The following SGK1 variants were observed in gnomAD, a reference collection of about 807,000 sequenced individuals.
The protein encoded by SGK1 is serum/glucocorticoid regulated kinase 1.
Under a neutral mutation model 64.2 loss-of-function variants are expected in SGK1, and 26 were observed. The ratio of observed to expected loss-of-function variants is 0.40; its 90% CI spans 0.30 to 0.56. The LOEUF (loss-of-function observed/expected upper bound fraction) is 0.56, where lower values mean the gene tolerates loss of function less well. SGK1 is among the 20% of genes least tolerant of loss of function. The probability of loss-of-function intolerance (pLI) is 0.38; values close to 1 mark genes in which losing one functional copy is unlikely to be tolerated. For synonymous variants in SGK1, 265 were observed against 239.7 expected (o/e 1.11, Z -0.98); for missense variants, 519 against 645.6 (o/e 0.80, Z 2.12).
intron 3 of SGK1, among the ~76,000 whole-genome samples, chr6:134,197,930 G>T (rs1413009258): frequency 6.7e-6 from 1 of 148,838 alleles, no homozygotes; most frequent in East Asian, 2.0e-4. Context: ...AAATAAAATA[G>T]CAAAAATAGT....
intron 3 of SGK1, among the ~76,000 whole-genome samples, chr6:134,200,133 G>T (rs1030350973): frequency 6.6e-6 from 1 of 152,158 alleles, no homozygotes; most frequent in Non-Finnish European, 1.5e-5. Context: ...AACAACTCAG[G>T]TTTCAAAGGC....
At position 134,262,090 on chromosome 6, in the gene SGK1, A is replaced by G. The variant is rs1776775266; in HGVS notation, c.128T>C (p.Leu43Pro). Residue 43 changes from leucine (L) to proline (P), a missense_variant, in exon 2 of 14, where the codon CTG becomes CCG. This residue lies in a region of SGK1 where 241 missense variants were observed against 236.9 expected (regional missense o/e 1.02). Coordinates refer to ENST00000367858, the MANE Select transcript of SGK1 (RefSeq NM_001143676.3). ...VSVDKHQSPS[L>P]KYTGSSMVHI... ...CACCATGGAGGAGCCGGTGTACTTC[A>G]GGCTGGGACTCTGATGCTTGTCCAC... 6.2e-7 allele frequency: 1 copy of G among 1,612,684 alleles called. No individual in the cohort carries two copies. Among genetic ancestry groups the G allele is most frequent in the Non-Finnish European group, 8.5e-7 (1 of 1,178,778 alleles).
rs139175698 is a variant in SGK1, at chr6:134,186,941, C to T, written c.362-12355G>A. On this transcript the variant is annotated intron_variant, in intron 3 of 13. Coordinates refer to ENST00000367858, the MANE Select transcript of SGK1 (RefSeq NM_001143676.3). ...AAGCAATTCTCCTGCCTCAGCCTCC[C>T]GAGTAGCTGGGATTACAGGCACCCA... Among the ~76,000 whole-genome samples the T allele has an allele frequency of 6.2e-3, 948 of 151,988 alleles. 4 individuals are homozygous for T. Among genetic ancestry groups the T allele is most frequent in the Non-Finnish European group, 0.011 (755 of 67,974 alleles).
At chr6:134,218,675 A>G (rs952273092) in intron 2 of SGK1, 4 of 151,476 alleles carry the variant, frequency 2.6e-5, no homozygotes, top group Admixed American at 6.6e-5. Context: ...GAAATGATCC[A>G]CCCACCTTGG....
intron 1 of SGK1, among the ~76,000 whole-genome samples, chr6:134,296,395 C>T (rs1777347491): frequency 6.6e-6 from 1 of 152,148 alleles, no homozygotes; most frequent in Non-Finnish European, 1.5e-5. Context: ...CTTCAGCCTT[C>T]CAAGTAGTTA....
At chr6:134,171,322 C>G in intron 11 of SGK1, 144 bp from the exon 12 acceptor site, 1 of 799,836 alleles carries the variant, frequency 1.3e-6, no homozygotes, top group Non-Finnish European at 2.0e-6. Context: ...TTTTCCCTTG[C>G]TATTTAAGTG....
intron 3 of SGK1, among the ~76,000 whole-genome samples, chr6:134,189,227 T>TGC (rs753776503): frequency 1.7e-3 from 232 of 132,766 alleles, no homozygotes; most frequent in Non-Finnish European, 2.7e-3. Flanking sequence ...TGTGTGTGTG[T>TGC]GCGTGTGCGT....
Position 134,172,747 on chromosome 6 carries a change from A to G in SGK1, c.862T>C (p.Cys288Arg), listed in dbSNP as rs1312642136. 6.2e-7 allele frequency: 1 copy of G among 1,614,042 alleles called. No homozygotes were observed. The highest frequency in any genetic ancestry group is 8.5e-7 in the Non-Finnish European group (1 of 1,179,862). Residue 288 changes from cysteine (C) to arginine (R), a missense_variant, in exon 9 of 14, where the codon TGC becomes CGC. Coordinates refer to ENST00000367858, the MANE Select transcript of SGK1 (RefSeq NM_001143676.3). The stretch of plus-strand genomic sequence containing the variant: ...AAACGAGCCCGTGGTTCCAGGAAGC[A>G]GCGTTCCCTCTGGAGATGGTAGAAC... ...ELFYHLQRER[C>R]FLEPRARFYA...
At chr6:134,203,661 G>T (rs1445499018) in intron 3 of SGK1, among the ~76,000 whole-genome samples, 4 of 152,176 alleles carry the variant, frequency 2.6e-5, no homozygotes, top group Non-Finnish European at 5.9e-5. Context: ...TGGACTGGCT[G>T]TATCTATCAG....
chr6:134,193,136 T>G (rs776743585), intron 3 of SGK1, among the ~76,000 whole-genome samples: 1 of 152,242 alleles, frequency 6.6e-6, no homozygotes, highest in Non-Finnish European at 1.5e-5. Context: ...ATGTCTTACA[T>G]ATTTTAAACT....
rs530733432 is a variant in SGK1 at position 134,280,610 on chromosome 6, A to T, written c.70-18462T>A. Among the ~76,000 whole-genome samples the T allele has an allele frequency of 6.6e-5, 10 of 152,198 alleles. No individual in the cohort carries two copies. In the South Asian group the frequency reaches 1.9e-3, roughly 28 times the overall value. On this transcript the variant is annotated intron_variant, in intron 1 of 13. Coordinates refer to ENST00000367858, the MANE Select transcript of SGK1 (RefSeq NM_001143676.3). ...CTTCTTCATTTGTGTTCCTCCCTAG[A>T]TTGTAAATTCTTTATGGATTCTTTA...
intron 1 of SGK1, among the ~76,000 whole-genome samples, chr6:134,307,913 A>G (rs1777558610): frequency 6.6e-6 from 1 of 152,212 alleles, no homozygotes; most frequent in Non-Finnish European, 1.5e-5. Flanking sequence ...TGATTCATCA[A>G]GCATATATTA....
intron 1 of SGK1, among the ~76,000 whole-genome samples, chr6:134,288,736 T>C (rs1233535302): frequency 6.6e-6 from 1 of 152,166 alleles, no homozygotes; most frequent in Non-Finnish European, 1.5e-5. Flanking sequence ...TCAGAAATGC[T>C]TGGTATCCTA....
chr6:134,261,151 A>C (rs1776761176), intron 2 of SGK1: 1 of 152,224 alleles, frequency 6.6e-6, no homozygotes, highest in Non-Finnish European at 1.5e-5. Context: ...AGGGAAAATA[A>C]GTCTTAGTAA....
At chr6:134,298,131 T>G in intron 1 of SGK1, 9 of 1,318,530 alleles carry the variant, frequency 6.8e-6, no homozygotes, top group Admixed American at 6.7e-5. Context: ...ACATCCTTCT[T>G]GATGAGGACA....
chr6:134,172,024 C>A (rs1198115091), intron 10 of SGK1, 169 bp downstream of exon 10: 1 of 819,388 alleles, frequency 1.2e-6, no homozygotes, highest in Non-Finnish European at 2.0e-6. Flanking sequence ...AACAGAAGGA[C>A]TTGGGATTTC....
chr6:134,214,009 T>G lies in SGK1; in HGVS notation c.286-6578A>C, dbSNP rs181559202. ...ATATTTTGCTAATCTTATTTTTACC[T>G]ATCTTGCCTTACTTTTTGGCTGGAA... On this transcript the variant is annotated intron_variant, in intron 2 of 13. Coordinates refer to ENST00000367858, the MANE Select transcript of SGK1 (RefSeq NM_001143676.3). 3.3e-5 allele frequency among the ~76,000 whole-genome samples: 5 copies of G among 152,324 alleles called. No homozygotes were observed. In the South Asian group the frequency reaches 6.2e-4, roughly 19 times the overall value.
chr6:134,183,278 C>T (rs1484326734), intron 3 of SGK1, among the ~76,000 whole-genome samples: 1 of 95,508 alleles, frequency 1.0e-5, no homozygotes, highest in African/African-American at 4.2e-5. Flanking sequence ...TCCGTCATCT[C>T]AAACATTTAT....
intron 1 of SGK1, among the ~76,000 whole-genome samples, chr6:134,262,572 C>T (rs1420078086): frequency 6.6e-6 from 1 of 151,638 alleles, no homozygotes; most frequent in Non-Finnish European, 1.5e-5. Context: ...ATTAGCCAGG[C>T]CTGGTGGTAC....
Sources: gnomAD v4.1 joint callset for allele counts (sites outside exome capture counted in the v4.1 genomes callset) on GRCh38, gnomAD v4.1.1 for gene constraint, gnomAD v4.1.1 regional missense constraint, MANE v1.5 for transcripts, NCBI Gene and HGNC (gene_info 2026-07-23, HGNC 2026-07-21) for gene names.